Variants in CREG2 observed in about 807,000 individuals in gnomAD.
CREG2 encodes cellular repressor of E1A stimulated genes 2.
A neutral mutation model predicts 26.2 loss-of-function variants in CREG2; 24 were observed. The observed-to-expected ratio is 0.92, with a 90% CI of 0.66 to 1.29. CREG2 has a LOEUF of 1.29. CREG2 is among the 50% of genes most tolerant of loss of function. The probability of loss-of-function intolerance (pLI) is 0.00; values close to 1 mark genes in which losing one functional copy is unlikely to be tolerated. For missense variants in CREG2, 366 were observed against 398.6 expected (o/e 0.92, Z 0.70); for synonymous variants, 174 against 169.2 (o/e 1.03, Z -0.22).
chr2:101,368,212 C>T (rs535471698), intron 2 of CREG2, among the ~76,000 whole-genome samples: 33 of 150,812 alleles, frequency 2.2e-4, no homozygotes, highest in Admixed American at 4.6e-4. Flanking sequence ...TGCTTGAATC[C>T]GGGAGGCGGA....
chr2:101,360,809 T>C (rs1684528317), intron 2 of CREG2, among the ~76,000 whole-genome samples: 1 of 152,054 alleles, frequency 6.6e-6, no homozygotes, highest in Non-Finnish European at 1.5e-5. Context: ...GGTTGTTAAG[T>C]TGTAAATTTT....
rs751856979 is a variant in CREG2 at position 101,351,048 on chromosome 2, G to GC, written c.747dup (p.Pro250AlafsTer5). ...ATAAAGAACCATTCATATTGACGAG[G>GC]CCACTTCCTCATCCCTGGGTGCCTG... On this transcript the variant is annotated frameshift_variant, in exon 4 of 4. Coordinates refer to ENST00000324768, the MANE Select transcript of CREG2 (RefSeq NM_153836.4). LOFTEE classifies it high-confidence loss of function. 5 of 1,613,940 alleles carry GC rather than the reference G, an allele frequency of 3.1e-6. No individual in the cohort carries two copies. In the Admixed American group the frequency reaches 8.3e-5, roughly 27 times the overall value.
intron 2 of CREG2, among the ~76,000 whole-genome samples, chr2:101,373,205 T>C (rs951643958): frequency 1.3e-5 from 2 of 152,182 alleles, no homozygotes; most frequent in African/African-American, 2.4e-5. Context: ...TGGAAACAAA[T>C]GTTCATCAAC....
chr2:101,387,259 C>A lies in CREG2; in HGVS notation c.199G>T (p.Gly67Cys). ...GGGAAGCTTTGCTGCCAGATGCTGC[C>A]CGAATCCTCTAGCAGCGCGGGCATA... is the stretch of plus-strand genomic sequence containing the variant. ...EAMPALLEDS[G>C]SIWQQSFPAS... The change falls in exon 1 of 4, where the codon GGC becomes TGC. Residue 67 changes from glycine (G) to cysteine (C), a missense_variant. Physicochemically the swap from Gly to Cys is radical, Grantham distance 159. This residue lies in a region of CREG2 where 177 missense variants were observed against 183.3 expected (regional missense o/e 0.97). Coordinates refer to ENST00000324768, the MANE Select transcript of CREG2 (RefSeq NM_153836.4). The surrounding 1 kb of genome is among the most constrained non-coding windows in gnomAD (Gnocchi z 4.7). 1 of 1,466,076 alleles carries A rather than the reference C, an allele frequency of 6.8e-7. No individual in the cohort carries two copies. The highest frequency in any genetic ancestry group is 9.1e-7 in the Non-Finnish European group (1 of 1,099,714). 90.8% of individuals were successfully genotyped at this position (1,466,076 alleles called of 1,614,324 possible).
At chr2:101,368,211 C>T (rs1291851586) in intron 2 of CREG2, among the ~76,000 whole-genome samples, 2 of 151,660 alleles carry the variant, frequency 1.3e-5, no homozygotes, top group Non-Finnish European at 2.9e-5. Flanking sequence ...TTGCTTGAAT[C>T]CGGGAGGCGG....
At chr2:101,369,794 G>A (rs1684675793) in intron 2 of CREG2, among the ~76,000 whole-genome samples, 1 of 152,180 alleles carries the variant, frequency 6.6e-6, no homozygotes, top group African/African-American at 2.4e-5. Context: ...CCACGCGAAT[G>A]CTTTATTGGA....
Position 101,357,143 on chromosome 2 carries a change from T to C in CREG2, c.612-1777A>G, listed in dbSNP as rs1422415813. ...ACCCTGTGATTCGCCCGCCTCAGCC[T>C]CCCAAAGTGCTGGGATTACAGGCGT... On this transcript the variant is annotated intron_variant, in intron 2 of 3. Coordinates refer to ENST00000324768, the MANE Select transcript of CREG2 (RefSeq NM_153836.4). 1.3e-5 allele frequency among the ~76,000 whole-genome samples: 2 copies of C among 152,170 alleles called. 1 individual carries two copies. Among genetic ancestry groups the C allele is most frequent in the African/African-American group, 4.8e-5 (2 of 41,452 alleles).
At chr2:101,367,136 A>C (rs1372443088) in intron 2 of CREG2, among the ~76,000 whole-genome samples, 1 of 151,940 alleles carries the variant, frequency 6.6e-6, no homozygotes, top group Non-Finnish European at 1.5e-5. Flanking sequence ...TTGGGTTAGA[A>C]TTTTCTCTTA....
In CREG2 at chr2:101,382,383, G is replaced by A. The variant is rs1260736196; in HGVS notation, c.611+1150C>T. ...CACGGTTGCAGTGAACCGAGATTGC[G>A]CCACTGCACTCCAGTCTGGGAAACA... On this transcript the variant is annotated intron_variant, in intron 2 of 3. Coordinates refer to ENST00000324768, the MANE Select transcript of CREG2 (RefSeq NM_153836.4). 13 of 578,220 alleles carry A rather than the reference G, an allele frequency of 2.2e-5. No homozygotes were observed. The South Asian group carries it at 3.8e-4, about 17-fold the overall frequency. The allele number at this position is 578,220 out of a possible 1,614,324, so 35.8% of individuals were successfully genotyped here.
chr2:101,355,558 T>C (rs1684444610), intron 2 of CREG2, among the ~76,000 whole-genome samples, 192 bp from the exon 3 acceptor site: 1 of 152,096 alleles, frequency 6.6e-6, no homozygotes, highest in Admixed American at 6.5e-5. Context: ...TTGCAATAGG[T>C]GTGCTTATGT....
chr2:101,369,630 G>A (rs1302563980), intron 2 of CREG2, among the ~76,000 whole-genome samples: 1 of 152,114 alleles, frequency 6.6e-6, no homozygotes, highest in Non-Finnish European at 1.5e-5. Flanking sequence ...AACTTGTAGG[G>A]GATTTAACAC....
chr2:101,363,897 G>A (rs988416881), intron 2 of CREG2, among the ~76,000 whole-genome samples: 9 of 150,034 alleles, frequency 6.0e-5, no homozygotes, highest in African/African-American at 2.0e-4. Context: ...CACACACACA[G>A]GAAGAAAGGA....
At position 101,350,987 on chromosome 2, in the gene CREG2, C is replaced by A; in HGVS notation, c.809G>T (p.Trp270Leu). 6.2e-7 allele frequency: 1 copy of A among 1,614,166 alleles called. No homozygotes were observed. Among genetic ancestry groups the A allele is most frequent in the Non-Finnish European group, 8.5e-7 (1 of 1,180,002 alleles). ...MRIEHIWLQK[W>L]YGGASSISRE... ...TGAAATACTGGATGCGCCTCCATAC[C>A]ATTTCTGAAGCCAGATATGTTCTAT... The change falls in exon 4 of 4, where the codon TGG becomes TTG. Residue 270 changes from tryptophan (W) to leucine (L), a missense_variant. By Grantham distance (61) the Trp-to-Leu change is moderately conservative. This residue lies in a region of CREG2 where 174 missense variants were observed against 178.2 expected (regional missense o/e 0.98). Coordinates refer to ENST00000324768, the MANE Select transcript of CREG2 (RefSeq NM_153836.4).
chr2:101,387,416 G>C lies in CREG2; in HGVS notation c.42C>G (p.Thr14=). ...TGCAGCACAGCAGCCAGGAGAGGCG[G>C]GTCCCCGGCCGCGCCGGCCGCCGGC... is the stretch of plus-strand genomic sequence containing the variant. ...RRGRRPARPG[T]RLSWLLCCSA... Residue 14 remains threonine, a synonymous_variant, in exon 1 of 4, where the codon ACC becomes ACG. Transcript: ENST00000324768. The surrounding 1 kb of genome is among the most constrained non-coding windows in gnomAD (Gnocchi z 4.7). The C allele has an allele frequency of 1.6e-6, 2 of 1,284,182 alleles. No homozygotes were observed. The highest frequency in any genetic ancestry group is 2.0e-6 in the Non-Finnish European group (2 of 1,011,592). The allele number at this position is 1,284,182 out of a possible 1,614,324, so 79.5% of individuals were successfully genotyped here. A position where few individuals can be genotyped will look rare whatever the true frequency, so the allele number is the denominator to read the frequency against.
chr2:101,382,096 G>T (rs1053596047), intron 2 of CREG2: 1 of 152,214 alleles, frequency 6.6e-6, no homozygotes, highest in Non-Finnish European at 1.5e-5. Context: ...TGGGTTCTGG[G>T]AGCCACATGC....
intron 2 of CREG2, among the ~76,000 whole-genome samples, chr2:101,372,193 C>T (rs553731071): frequency 4.6e-5 from 7 of 152,196 alleles, no homozygotes; most frequent in African/African-American, 7.2e-5. Context: ...TATGTGGTCA[C>T]GTGTTACACC....
rs563519121 is a variant in CREG2 at position 101,355,348 on chromosome 2, C to T, written c.630G>A (p.Pro210=). 1.2e-4 allele frequency: 201 copies of T among 1,612,684 alleles called. 2 individuals are homozygous for T. In the South Asian group the frequency reaches 1.6e-3, roughly 13 times the overall value. The part of the protein sequence containing the change: ...GEFCRKNIVD[P]EDPRCVQLTL... Reference sequence around the variant, plus strand: ...TTAACTGGACACATCGGGGATCTTCCGGATCAACGATGTTTTTTCTGCATG... The same window carrying T: ...TTAACTGGACACATCGGGGATCTTCTGGATCAACGATGTTTTTTCTGCATG... Residue 210 remains proline (P), a synonymous_variant, in exon 3 of 4, where the codon CCG becomes CCA. Coordinates refer to ENST00000324768, the MANE Select transcript of CREG2 (RefSeq NM_153836.4).
chr2:101,370,691 A>G (rs1684690357), intron 2 of CREG2, among the ~76,000 whole-genome samples: 2 of 152,130 alleles, frequency 1.3e-5, no homozygotes, highest in South Asian at 4.1e-4. Context: ...TTTCAACAGA[A>G]TCAGGTGGCT....
At chr2:101,382,366 C>T (rs183208759) in intron 2 of CREG2, 2 of 407,038 alleles carry the variant, frequency 4.9e-6, no homozygotes, top group Admixed American at 6.7e-5. Context: ...TTCACGGTTG[C>T]AGTGAACCGA....
Sources: allele counts gnomAD v4.1 joint callset (sites outside exome capture counted in the v4.1 genomes callset), GRCh38; gene constraint gnomAD v4.1.1; regional missense constraint gnomAD v4.1.1; non-coding constraint Gnocchi (gnomAD v3.1); transcripts MANE v1.5; gene names NCBI Gene and HGNC (gene_info 2026-07-23, HGNC 2026-07-21).